PTGS1: variants seen among roughly 807,000 people sequenced by gnomAD.
PTGS1 encodes prostaglandin G/H synthase 1.
Under a neutral mutation model 63.0 loss-of-function variants are expected in PTGS1, and 40 were observed. The observed-to-expected ratio is 0.63, with a 90% CI of 0.49 to 0.83. The LOEUF (loss-of-function observed/expected upper bound fraction) is 0.83. Ranked by LOEUF, PTGS1 falls within the 40% of genes least tolerant of loss-of-function variation. The pLI, the probability that PTGS1 is intolerant of heterozygous loss-of-function variation, is 0.00. For missense variants in PTGS1, 709 were observed against 786.5 expected, an observed-to-expected ratio of 0.90 and a Z score of 1.18; for synonymous variants, 298 against 301.9, an observed-to-expected ratio of 0.99 and a Z score of 0.13.
rs1353509748 is a variant in PTGS1 at position 122,390,233 on chromosome 9, G to A, written c.1332G>A (p.Leu444=). The change falls in exon 10 of 11, where the codon CTG becomes CTA. Residue 444 remains leucine (L), a synonymous_variant. Coordinates refer to ENST00000362012, the MANE Select transcript of PTGS1 (RefSeq NM_000962.4). ...GGGRNMDHHI[L]HVAVDVIRES... Reference sequence around the variant, plus strand: ...GCAGGAACATGGACCACCACATCCTGCATGTGGCTGTGGATGTCATCAGGG... The same window carrying A: ...GCAGGAACATGGACCACCACATCCTACATGTGGCTGTGGATGTCATCAGGG... 6.2e-7 allele frequency: 1 copy of A among 1,614,128 alleles called. No individual in the cohort carries two copies. The highest frequency in any genetic ancestry group is 8.5e-7 in the Non-Finnish European group (1 of 1,180,010).
chr9:122,376,626 A>G (rs1261493525), intron 2 of PTGS1, among the ~76,000 whole-genome samples: 1 of 152,230 alleles, frequency 6.6e-6, no homozygotes, highest in African/African-American at 2.4e-5. Context: ...TGCACAAAGA[A>G]TCCATATTCC....
intron 10 of PTGS1, among the ~76,000 whole-genome samples, chr9:122,391,395 A>ACG (rs1838256213): frequency 1.2e-5 from 1 of 86,248 alleles, no homozygotes; most frequent in Non-Finnish European, 1.9e-5. Flanking sequence ...ACATATATAT[A>ACG]TACATATATA....
At chr9:122,379,000 A>G in intron 5 of PTGS1, 82 bp downstream of exon 5, 1 of 1,541,248 alleles carries the variant, frequency 6.5e-7, no homozygotes, top group East Asian at 2.3e-5. Flanking sequence ...GCGAAGAACA[A>G]TTATTGACCC....
intron 8 of PTGS1, 65 bp downstream of exon 8, chr9:122,383,820 G>C (rs1454822901): frequency 3.8e-6 from 6 of 1,570,382 alleles, no homozygotes; most frequent in African/African-American, 2.7e-5. Flanking sequence ...GTTGGGGGCG[G>C]GGGGGTACTT....
At chr9:122,389,540 G>A (rs1415248746) in intron 9 of PTGS1, among the ~76,000 whole-genome samples, 1 of 152,124 alleles carries the variant, frequency 6.6e-6, no homozygotes, top group Non-Finnish European at 1.5e-5. Flanking sequence ...AGGTTACCTG[G>A]GCTTTGAGTT....
intron 4 of PTGS1, 75 bp downstream of exon 4, chr9:122,378,648 A>T (rs925079388): frequency 1.9e-6 from 3 of 1,609,802 alleles, no homozygotes; most frequent in Non-Finnish European, 2.5e-6. Flanking sequence ...TTGGCATCTG[A>T]TAAGGGTAGT....
At chr9:122,390,154 C>A in intron 9 of PTGS1, 44 bp from the exon 10 acceptor site, 1 of 1,595,928 alleles carries the variant, frequency 6.3e-7, no homozygotes, top group South Asian at 1.1e-5. Flanking sequence ...TCCAGGACAG[C>A]CTGGCCTGGC....
chr9:122,390,379 C>CT lies in PTGS1; in HGVS notation c.1444+36dup, dbSNP rs1390108993. 1.1e-5 allele frequency: 18 copies of CT among 1,606,220 alleles called. No individual in the cohort carries two copies. The Admixed American group carries it at 2.2e-4, about 20-fold the overall frequency. ...CTGTTTCCTGGATGCAGTCCCTGCC[C>CT]TTGAGGGACTGGCAGCAAAGTCAGG... On this transcript the variant is annotated intron_variant, in intron 10 of 10. Coordinates refer to ENST00000362012, the MANE Select transcript of PTGS1 (RefSeq NM_000962.4).
Position 122,385,925 on chromosome 9 carries a change from T to A in PTGS1, c.1010-521T>A, listed in dbSNP as rs148396784. Among the ~76,000 whole-genome samples the A allele has an allele frequency of 9.0e-3, 1,363 of 152,270 alleles. 10 individuals are homozygous for A. The highest frequency in any genetic ancestry group is 0.024 in the Middle Eastern group (7 of 294). On this transcript the variant is annotated intron_variant, in intron 8 of 10. Coordinates refer to ENST00000362012, the MANE Select transcript of PTGS1 (RefSeq NM_000962.4). The stretch of plus-strand genomic sequence containing the variant: ...TGGTGCTCTTGTCTTGAGACCTCAG[T>A]CAAAATAGACCAAAAGTTCTATTTT...
At chr9:122,371,421 G>C (rs920764134) in intron 2 of PTGS1, 149 bp downstream of exon 2, 21 of 1,389,732 alleles carry the variant, frequency 1.5e-5, no homozygotes, top group Non-Finnish European at 1.9e-5. Flanking sequence ...TGGTGGGATG[G>C]GGGCTCCCTG....
intron 9 of PTGS1, 103 bp downstream of exon 9, chr9:122,386,835 C>G (rs1837904646): frequency 7.3e-6 from 10 of 1,366,034 alleles, no homozygotes; most frequent in Admixed American, 2.1e-5. Flanking sequence ...GCTGATGTCA[C>G]TTCTACAGGG....
intron 5 of PTGS1, among the ~76,000 whole-genome samples, chr9:122,380,600 T>A (rs768220671): frequency 3.3e-5 from 5 of 152,214 alleles, no homozygotes; most frequent in Non-Finnish European, 7.3e-5. Context: ...CACACACATT[T>A]GTTTATGTGT....
intron 5 of PTGS1, among the ~76,000 whole-genome samples, chr9:122,380,466 A>AAAAT (rs59514121): frequency 0.078 from 11,438 of 145,786 alleles, 546 homozygotes; most frequent in East Asian, 0.16. Flanking sequence ...CCCTGTCTCA[A>AAAAT]AAATAAATAA....
chr9:122,394,750 C>T lies in PTGS1; in HGVS notation c.*2206C>T, dbSNP rs974426119. On this transcript the variant is annotated 3_prime_UTR_variant, in exon 11 of 11. Transcript: ENST00000362012. ...GAGATCACTGACTCTGACTCATCCC[C>T]ACAGCTGGCTCTGACAAGATGGTCC... 2.0e-5 allele frequency: 3 copies of T among 152,250 alleles called. No individual in the cohort carries two copies. Among genetic ancestry groups the T allele is most frequent in the African/African-American group, 7.2e-5 (3 of 41,438 alleles). 9.4% of individuals were successfully genotyped at this position (152,250 alleles called of 1,614,324 possible). A position where few individuals can be genotyped will look rare whatever the true frequency, so the allele number is the denominator to read the frequency against.
At chr9:122,370,901 A>C (rs1032090542), upstream of PTGS1, 1 of 986,060 alleles carries the variant, frequency 1.0e-6, no homozygotes, top group Non-Finnish European at 1.5e-6. Context: ...TACACTAATT[A>C]ATAAAATGCC....
Position 122,386,475 on chromosome 9 carries a change from T to A in PTGS1, c.1039T>A (p.Tyr347Asn). 6.2e-7 allele frequency: 1 copy of A among 1,614,022 alleles called. No individual in the cohort carries two copies. Among genetic ancestry groups the A allele is most frequent in the Non-Finnish European group, 8.5e-7 (1 of 1,180,010 alleles). ...GETIKIVIEEYVQQLSGYFLQ... is the reference protein window; with the variant it reads ...GETIKIVIEENVQQLSGYFLQ... ...GACCATCAAGATTGTCATCGAGGAG[T>A]ACGTGCAGCAGCTGAGTGGCTATTT... Residue 347 changes from tyrosine (Y) to asparagine (N), a missense_variant, in exon 9 of 11, where the codon TAC becomes AAC. Tyr to Asn is a moderately radical substitution (Grantham distance 143). Transcript: ENST00000362012.
chr9:122,381,415 C>A lies in PTGS1; in HGVS notation c.541C>A (p.Leu181Met). 6.2e-7 allele frequency: 1 copy of A among 1,614,184 alleles called. No individual in the cohort carries two copies. The highest frequency in any genetic ancestry group is 8.5e-7 in the Non-Finnish European group (1 of 1,180,036). The change falls in exon 6 of 11, where the codon CTG (leucine) becomes ATG (methionine). Residue 181 changes from leucine to methionine, a missense_variant. Transcript: ENST00000362012. ...PDAQLLARRF[L>M]LRRKFIPDPQ... Reference sequence around the variant, plus strand: ...TGCCCAGCTCCTGGCCCGCCGCTTCCTGCTCAGGAGGAAGTTCATACCTGA... The same window carrying A: ...TGCCCAGCTCCTGGCCCGCCGCTTCATGCTCAGGAGGAAGTTCATACCTGA...
rs576977595 is a variant in PTGS1, at chr9:122,382,563, A to G, written c.762+816A>G. ...AGTTTTAAAATTCAAATAGAAATTA[A>G]GATAAACCTAAATAAAATAAATTAA... On this transcript the variant is annotated intron_variant, in intron 7 of 10. Coordinates refer to ENST00000362012, the MANE Select transcript of PTGS1 (RefSeq NM_000962.4). Among the ~76,000 whole-genome samples, 4 of 152,380 alleles carry G rather than the reference A, an allele frequency of 2.6e-5. No individual in the cohort carries two copies. In the South Asian group the frequency reaches 8.3e-4, roughly 32 times the overall value.
Position 122,381,854 on chromosome 9 carries a change from A to G in PTGS1, c.762+107A>G, listed in dbSNP as rs1303089673. 10 of 1,191,312 alleles carry G rather than the reference A, an allele frequency of 8.4e-6. No individual in the cohort carries two copies. In the Admixed American group the frequency reaches 1.8e-4, roughly 21 times the overall value. The allele number at this position is 1,191,312 out of a possible 1,614,324, so 73.8% of individuals were successfully genotyped here. Reference sequence around the variant, plus strand: ...GGGTCATGTCCTGAGAGGGCCAACCACGGGAGTGGGAAGCTTGTGCCAGGA... The same window carrying G: ...GGGTCATGTCCTGAGAGGGCCAACCGCGGGAGTGGGAAGCTTGTGCCAGGA... On this transcript the variant is annotated intron_variant, in intron 7 of 10. Transcript: ENST00000362012.
Sources: gnomAD v4.1 joint callset for allele counts (sites outside exome capture counted in the v4.1 genomes callset) on GRCh38, gnomAD v4.1.1 for gene constraint, MANE v1.5 for transcripts, NCBI Gene and HGNC (gene_info 2026-07-23, HGNC 2026-07-21) for gene names.